Variants in NOS1 observed in about 807,000 individuals in gnomAD.
The protein encoded by NOS1 is NOS type I.
NOS1 carries 51 observed loss-of-function variants against 164.5 expected under a neutral mutation model. The ratio of observed to expected loss-of-function variants is 0.31; its 90% confidence interval spans 0.25 to 0.39. The LOEUF (loss-of-function observed/expected upper bound fraction) is 0.39, where lower values mean the gene tolerates loss of function less well. Ranked by LOEUF, NOS1 falls within the 10% of genes least tolerant of loss-of-function variation. NOS1 has a pLI of 1.00. For synonymous variants in NOS1, 719 were observed against 745.8 expected, an observed-to-expected ratio of 0.96 and a Z score of 0.59; for missense variants, 1,362 against 1,885.6, an observed-to-expected ratio of 0.72 and a Z score of 5.14.
intron 2 of NOS1, among the ~76,000 whole-genome samples, chr12:117,328,222 GT>G (rs1187990135): frequency 1.3e-5 from 2 of 152,148 alleles, no homozygotes; most frequent in Admixed American, 1.3e-4. Context: ...CCAGGCTGGA[GT>G]GCAGTGGTGC....
intron 4 of NOS1, among the ~76,000 whole-genome samples, chr12:117,289,635 G>A (rs531731222): frequency 7.9e-5 from 12 of 152,272 alleles, no homozygotes; most frequent in South Asian, 4.2e-4. Flanking sequence ...TTTAAGCCCC[G>A]CATGCATTAG....
At position 117,272,416 on chromosome 12, in the gene NOS1, T is replaced by C. The variant is rs1288766873; in HGVS notation, c.1808A>G (p.Tyr603Cys). 3.1e-6 allele frequency: 5 copies of C among 1,614,110 alleles called. No homozygotes were observed. Among genetic ancestry groups the C allele is most frequent in the Admixed American group, 1.7e-5 (1 of 60,016 alleles). ...YMGTEIGVRD[Y>C]CDNSRYNILE... ...GATATTGTAGCGGGAGTTGTCACAG[T>C]AGTCGCGGACACCAATCTCTGTGCC... The change falls in exon 10 of 29, where the codon TAC becomes TGC. Residue 603 changes from tyrosine to cysteine, a missense_variant. Physicochemically the swap from Tyr to Cys is radical, Grantham distance 194 (BLOSUM62 -2). Coordinates refer to ENST00000317775, the MANE Select transcript of NOS1 (RefSeq NM_000620.5). This position sits in a 1 kb window ranked among gnomAD's most constrained non-coding sequence, Gnocchi z 4.3.
rs757852127 is a variant in NOS1 at position 117,217,960 on chromosome 12, C to A, written c.4289+86G>T. Reference sequence around the variant, plus strand: ...TGATGCTGCTGTTTTGGGGACCCTGCCGTGGGAAAGCCAGACATTCCTGCC... The same window carrying A: ...TGATGCTGCTGTTTTGGGGACCCTGACGTGGGAAAGCCAGACATTCCTGCC... On this transcript the variant is annotated intron_variant, in intron 28 of 28. Coordinates refer to ENST00000317775, the MANE Select transcript of NOS1 (RefSeq NM_000620.5). 1.5e-4 allele frequency: 142 copies of A among 969,824 alleles called. 1 individual carries two copies. In the African/African-American group the frequency reaches 1.9e-3, roughly 13 times the overall value. The allele number at this position is 969,824 out of a possible 1,614,324, so 60.1% of individuals were successfully genotyped here. A position where few individuals can be genotyped will look rare whatever the true frequency, so the allele number is the denominator to read the frequency against.
At chr12:117,254,804 A>C (rs1871319216) in intron 16 of NOS1, among the ~76,000 whole-genome samples, 1 of 152,188 alleles carries the variant, frequency 6.6e-6, no homozygotes, top group Admixed American at 6.5e-5. Flanking sequence ...GCACAGATAT[A>C]GAACATTTAC....
chr12:117,229,777 CG>C (rs1869049422), intron 22 of NOS1, among the ~76,000 whole-genome samples: 1 of 152,160 alleles, frequency 6.6e-6, no homozygotes, highest in African/African-American at 2.4e-5. Context: ...TTAGTAGAGA[CG>C]GGGTTTCACC....
chr12:117,265,199 G>C (rs1872291138), intron 12 of NOS1, 117 bp downstream of exon 12: 1 of 858,798 alleles, frequency 1.2e-6, no homozygotes, highest in African/African-American at 1.7e-5. Context: ...GTAGCCACCA[G>C]CCACATGTGG....
At chr12:117,290,482 T>C (rs1052366930) in intron 3 of NOS1, 56 bp from the exon 4 acceptor site, 10 of 1,559,638 alleles carry the variant, frequency 6.4e-6, no homozygotes, top group East Asian at 4.5e-5. Flanking sequence ...GACTGTAACA[T>C]TGTCTCCACA....
In NOS1 at chr12:117,232,063, A is replaced by G; in HGVS notation, c.3304T>C (p.Tyr1102His). The change falls in exon 22 of 29, where the codon TAC becomes CAC. Residue 1102 changes from tyrosine to histidine, a missense_variant. Coordinates refer to ENST00000317775, the MANE Select transcript of NOS1 (RefSeq NM_000620.5). ...GTTGGTGGCGTGGTGATGTCCAGGTAGTACTTGAAGGCCTGGAAGATGGTG... is the reference window on the plus strand; with the variant it reads ...GTTGGTGGCGTGGTGATGTCCAGGTGGTACTTGAAGGCCTGGAAGATGGTG... ...PCTIFQAFKY[Y>H]LDITTPPTPL... 1.9e-6 allele frequency: 3 copies of G among 1,612,288 alleles called. No individual in the cohort carries two copies. The highest frequency in any genetic ancestry group is 2.5e-6 in the Non-Finnish European group (3 of 1,179,960).
At chr12:117,328,263 C>A (rs1273818859) in intron 2 of NOS1, among the ~76,000 whole-genome samples, 1 of 152,092 alleles carries the variant, frequency 6.6e-6, no homozygotes, top group Non-Finnish European at 1.5e-5. Flanking sequence ...CTCTGTCTCC[C>A]GGGTTCAAGC....
At position 117,226,691 on chromosome 12, in the gene NOS1, G is replaced by A. The variant is rs765524362; in HGVS notation, c.3696C>T (p.Phe1232=). The A allele has an allele frequency of 5.0e-6, 8 of 1,613,680 alleles. No individual in the cohort carries two copies. The highest frequency in any genetic ancestry group is 2.2e-5 in the East Asian group (1 of 44,884). Residue 1232 remains phenylalanine, a synonymous_variant, in exon 24 of 29, where the codon TTC becomes TTT. Coordinates refer to ENST00000317775, the MANE Select transcript of NOS1 (RefSeq NM_000620.5). ...CTCCACTTATTACTCACCCTCTCAC[G>A]AAACAGGGGACCAGTTCGTCAGCCT... ...RIQADELVPC[F]VRGAPSFHLP...
At position 117,210,139 on chromosome 12, in the gene NOS1, ATTTTT is replaced by A. The variant is rs146442744; in HGVS notation, c.*5165_*5169del. On this transcript the variant is annotated 3_prime_UTR_variant, in exon 29 of 29. Transcript: ENST00000317775. ...AGGAGCATGCCATCATGCCCAGCTAATTTTTTTTTTTTTTTTTTTTTAGTAGAGAC... is the reference window on the plus strand; with the variant it reads ...AGGAGCATGCCATCATGCCCAGCTAATTTTTTTTTTTTTTTTAGTAGAGAC... 143 of 290,520 alleles carry A rather than the reference ATTTTT, an allele frequency of 4.9e-4. No individual in the cohort carries two copies. The highest frequency in any genetic ancestry group is 6.1e-4 in the Non-Finnish European group (126 of 207,424). The allele number at this position is 290,520 out of a possible 1,614,324, so 18.0% of individuals were successfully genotyped here. A position where few individuals can be genotyped will look rare whatever the true frequency, so the allele number is the denominator to read the frequency against.
rs575106639 is a variant in NOS1, at chr12:117,356,273, G to A, written c.-421+5239C>T. On this transcript the variant is annotated intron_variant, in intron 1 of 28. Transcript: ENST00000317775. The surrounding 1 kb of genome is among the most constrained non-coding windows in gnomAD (Gnocchi z 4.2). Reference sequence around the variant, plus strand: ...ACAAGTGCCCAAGCTGGCCTCTGACGTTTCCTAAGATGATTCTCAGTGTGA... The same window carrying A: ...ACAAGTGCCCAAGCTGGCCTCTGACATTTCCTAAGATGATTCTCAGTGTGA... 8.5e-5 allele frequency among the ~76,000 whole-genome samples: 13 copies of A among 152,304 alleles called. No homozygotes were observed. The highest frequency in any genetic ancestry group is 2.6e-4 in the African/African-American group (11 of 41,574).
intron 1 of NOS1, among the ~76,000 whole-genome samples, chr12:117,337,106 C>CT (rs36054002): frequency 0.1 from 6,571 of 64,290 alleles, 1,019 homozygotes; most frequent in Non-Finnish European, 0.12. Context: ...GCTTTTTACT[C>CT]TTTTTTTTTT....
intron 10 of NOS1, among the ~76,000 whole-genome samples, chr12:117,269,802 G>A (rs915356649): frequency 6.6e-6 from 1 of 152,180 alleles, no homozygotes. Context: ...GTCTGTGAGT[G>A]CATCATCTGC....
At chr12:117,269,049 G>C (rs1370481663) in intron 10 of NOS1, among the ~76,000 whole-genome samples, 4 of 152,186 alleles carry the variant, frequency 2.6e-5, no homozygotes, top group South Asian at 2.1e-4. Context: ...TAATGGGGAA[G>C]AGAGAGATAC....
intron 28 of NOS1, among the ~76,000 whole-genome samples, chr12:117,215,869 C>CTTTTTT (rs34665031): frequency 9.4e-5 from 8 of 85,426 alleles, no homozygotes; most frequent in Non-Finnish European, 1.4e-4. Context: ...TTTAAAAGGA[C>CTTTTTT]TTTTTTTTTT....
intron 3 of NOS1, among the ~76,000 whole-genome samples, chr12:117,309,902 C>T (rs754307124): frequency 3.9e-5 from 6 of 152,070 alleles, no homozygotes; most frequent in Non-Finnish European, 8.8e-5. Context: ...GGAATTTATT[C>T]TATTTTGTTT....
chr12:117,240,856 G>C (rs1333511701), intron 20 of NOS1, among the ~76,000 whole-genome samples: 3 of 152,130 alleles, frequency 2.0e-5, no homozygotes, highest in Non-Finnish European at 4.4e-5. Context: ...CAACTCAAGA[G>C]CCTACTCTTA....
chr12:117,359,788 G>T (rs1401742942), intron 1 of NOS1, among the ~76,000 whole-genome samples: 1 of 149,496 alleles, frequency 6.7e-6, no homozygotes, highest in Non-Finnish European at 1.5e-5. Context: ...ACCCTGTGGG[G>T]TAGACCCCCC....
Sources: gnomAD v4.1 joint callset for allele counts (sites outside exome capture counted in the v4.1 genomes callset) on GRCh38, gnomAD v4.1.1 for gene constraint, Gnocchi (gnomAD v3.1) non-coding constraint, MANE v1.5 for transcripts, NCBI Gene and HGNC (gene_info 2026-07-23, HGNC 2026-07-21) for gene names.